Variants in CPLANE1 observed in about 807,000 individuals in gnomAD.
CPLANE1 encodes the protein ciliogenesis and planar polarity effector complex subunit 1.
Under a neutral mutation model 362.5 loss-of-function variants are expected in CPLANE1, and 263 were observed. The observed-to-expected ratio is 0.73, with a 90% confidence interval of 0.66 to 0.80. CPLANE1 has a LOEUF of 0.80. CPLANE1 is among the 30% of genes least tolerant of loss of function. The probability of loss-of-function intolerance (pLI) is 0.00; values close to 1 mark genes in which losing one functional copy is unlikely to be tolerated. For synonymous variants in CPLANE1, 1,212 were observed against 1,302.6 expected (o/e 0.93, Z 1.50); for missense variants, 3,461 against 3,793.4 (o/e 0.91, Z 2.30).
At chr5:37,114,306 T>C (rs1298659691) in intron 51 of CPLANE1, among the ~76,000 whole-genome samples, 1 of 152,184 alleles carries the variant, frequency 6.6e-6, no homozygotes, top group African/African-American at 2.4e-5. Context: ...TTTAAGGAGA[T>C]CTGAACAGGT....
chr5:37,176,762 C>CT (rs11463353), intron 30 of CPLANE1, among the ~76,000 whole-genome samples: 46,720 of 136,950 alleles, frequency 0.34, 8,345 homozygotes, highest in African/African-American at 0.52. Context: ...ATTATGTTGC[C>CT]TTTTTTTTTT....
chr5:37,112,753 C>G (rs1192998221), intron 51 of CPLANE1, among the ~76,000 whole-genome samples: 1 of 152,158 alleles, frequency 6.6e-6, no homozygotes, highest in Non-Finnish European at 1.5e-5. Context: ...ATTTGTGAGT[C>G]ACAGTCTAGC....
At chr5:37,211,034 G>A in intron 16 of CPLANE1, 3 of 808,034 alleles carry the variant, frequency 3.7e-6, no homozygotes, top group South Asian at 2.7e-5. Context: ...AGAATGAAGT[G>A]TACTGCAATC....
chr5:37,230,723 A>C, intron 9 of CPLANE1, 144 bp downstream of exon 9: 1 of 503,650 alleles, frequency 2.0e-6, no homozygotes. Context: ...AGAAAACTAC[A>C]AATAAGAAAC....
chr5:37,180,258 T>G, intron 27 of CPLANE1, 75 bp from the exon 28 acceptor site: 2 of 1,057,024 alleles, frequency 1.9e-6, no homozygotes, highest in Non-Finnish European at 1.3e-6. Flanking sequence ...GGTTTTTTTT[T>G]TGTTTTTTTT....
At position 37,183,163 on chromosome 5, in the gene CPLANE1, C is replaced by A; in HGVS notation, c.5018G>T (p.Gly1673Val). Reference sequence around the variant, plus strand: ...TTTTAAACCAAATAATCCACTCATTCCTTCATTCTTATTGACTTCATTCGA... The same window carrying A: ...TTTTAAACCAAATAATCCACTCATTACTTCATTCTTATTGACTTCATTCGA... ...YPSNEVNKNEGMSGLFGLKQR... is the reference protein window; with the variant it reads ...YPSNEVNKNEVMSGLFGLKQR... Residue 1673 changes from glycine to valine, a missense_variant, in exon 26 of 53, where the codon GGA (glycine) becomes GTA (valine). Transcript: ENST00000651892. The A allele has an allele frequency of 6.2e-7, 1 of 1,612,348 alleles. No homozygotes were observed. Among genetic ancestry groups the A allele is most frequent in the South Asian group, 1.1e-5 (1 of 90,906 alleles).
chr5:37,246,148 T>C, intron 2 of CPLANE1: 1 of 142,310 alleles, frequency 7.0e-6, no homozygotes, highest in Non-Finnish European at 1.3e-5. Context: ...ATCTACTTTT[T>C]AATCTTTTTT....
At chr5:37,168,121 G>T (rs1457513234) in intron 34 of CPLANE1, among the ~76,000 whole-genome samples, 1 of 152,126 alleles carries the variant, frequency 6.6e-6, no homozygotes. Flanking sequence ...CTCAAAACTA[G>T]AGCCTAAACC....
chr5:37,239,919 A>T, intron 6 of CPLANE1, 50 bp from the exon 7 acceptor site: 1 of 1,272,078 alleles, frequency 7.9e-7, no homozygotes, highest in Non-Finnish European at 1.0e-6. Context: ...TAACTTTTAA[A>T]TTTATATGTA....
chr5:37,157,900 T>C (rs528556386), intron 39 of CPLANE1, 32 bp from the exon 40 acceptor site: 49 of 1,082,620 alleles, frequency 4.5e-5, no homozygotes, highest in Non-Finnish European at 3.7e-5. Context: ...CAAAGAGGGT[T>C]ACATTCTTTT....
the CPLANE1 span, among the ~76,000 whole-genome samples, chr5:37,086,020 T>C: frequency 6.6e-6 from 1 of 151,686 alleles, no homozygotes; most frequent in Non-Finnish European, 1.5e-5. Flanking sequence ...TAAACATATA[T>C]GCACCTAACA....
intron 5 of CPLANE1, among the ~76,000 whole-genome samples, chr5:37,243,911 C>T: frequency 6.7e-6 from 1 of 150,064 alleles, no homozygotes; most frequent in Non-Finnish European, 1.5e-5. Context: ...AGTGTAATGG[C>T]ACGATCTCGG....
chr5:37,232,839 C>CAA lies in CPLANE1; in HGVS notation c.939-1792_939-1791dup, dbSNP rs765038993. 5.1e-3 allele frequency among the ~76,000 whole-genome samples: 318 copies of CAA among 61,948 alleles called. 8 individuals carry two copies. The highest frequency in any genetic ancestry group is 7.2e-3 in the Non-Finnish European group (217 of 30,228). The allele number at this position is 61,948 out of a possible 152,430, so 40.6% of individuals were successfully genotyped here. A position where few individuals can be genotyped will look rare whatever the true frequency, so the allele number is the denominator to read the frequency against. ...CAGGTAACAGAACAAGACCTTGTTG[C>CAA]AAAAAAAAAAAAAAAAAAAAAAAGA... On this transcript the variant is annotated intron_variant, in intron 8 of 52. Transcript: ENST00000651892.
the CPLANE1 span, chr5:37,085,459 TC>T: frequency 1.2e-6 from 1 of 851,272 alleles, no homozygotes; most frequent in Non-Finnish European, 2.1e-6. Context: ...ACAAAAGGAA[TC>T]CCTCATCTGG....
chr5:37,132,801 G>A (rs1051866981), intron 46 of CPLANE1, among the ~76,000 whole-genome samples: 3 of 152,056 alleles, frequency 2.0e-5, no homozygotes, highest in African/African-American at 7.2e-5. Context: ...GTCAATTTTT[G>A]TTTTTGTTAC....
chr5:37,218,777 G>A (rs530603872), intron 15 of CPLANE1, among the ~76,000 whole-genome samples: 2 of 151,392 alleles, frequency 1.3e-5, no homozygotes, highest in Admixed American at 6.6e-5. Context: ...GTGAAACCCC[G>A]TCTCTACTAA....
chr5:37,088,009 T>C, the CPLANE1 span, among the ~76,000 whole-genome samples: 1 of 152,118 alleles, frequency 6.6e-6, no homozygotes, highest in Non-Finnish European at 1.5e-5. Flanking sequence ...GCTGATATGC[T>C]CCAAGGGAGG....
At chr5:37,217,586 G>A (rs1035427932) in intron 15 of CPLANE1, among the ~76,000 whole-genome samples, 9 of 150,836 alleles carry the variant, frequency 6.0e-5, no homozygotes, top group African/African-American at 2.0e-4. Context: ...CAGCCTGGGC[G>A]ACAGAGCGAG....
intron 44 of CPLANE1, chr5:37,140,127 T>C: frequency 1.1e-6 from 1 of 884,844 alleles, no homozygotes; most frequent in Non-Finnish European, 1.4e-6. Flanking sequence ...GAAAAACACT[T>C]AATCTATTCA....
Sources: gnomAD v4.1 joint callset for allele counts (sites outside exome capture counted in the v4.1 genomes callset) on GRCh38, gnomAD v4.1.1 for gene constraint, MANE v1.5 for transcripts, NCBI Gene and HGNC (gene_info 2026-07-23, HGNC 2026-07-21) for gene names.